The following CTNNA2 variants were observed in gnomAD, a reference collection of about 807,000 sequenced individuals.
CTNNA2 encodes the protein catenin alpha 2.
In CTNNA2, 42 loss-of-function variants were observed where a neutral mutation model predicts 101.0. The observed-to-expected ratio is 0.42, with a 90% CI of 0.32 to 0.54. The LOEUF (loss-of-function observed/expected upper bound fraction) is 0.54. CTNNA2 is among the 20% of genes least tolerant of loss of function. The pLI, the probability that CTNNA2 is intolerant of heterozygous loss-of-function variation, is 0.14. For synonymous variants in CTNNA2, 450 were observed against 456.4 expected (o/e 0.99, Z 0.18); for missense variants, 871 against 1,223.1 (o/e 0.71, Z 4.29).
intron 3 of CTNNA2, among the ~76,000 whole-genome samples, chr2:79,321,997 C>T (rs558831566): frequency 6.6e-6 from 1 of 152,276 alleles, no homozygotes; most frequent in African/African-American, 2.4e-5. Context: ...AAGTCCATGC[C>T]TTTAGTCTTT....
intron 2 of CTNNA2, among the ~76,000 whole-genome samples, chr2:79,724,208 T>C (rs1040996198): frequency 6.6e-6 from 1 of 151,464 alleles, no homozygotes; most frequent in East Asian, 1.9e-4. Context: ...TCCATTTTCT[T>C]CTTTTGGCTC....
At chr2:79,503,089 C>T (rs1321558562) in intron 4 of CTNNA2, among the ~76,000 whole-genome samples, 1 of 152,196 alleles carries the variant, frequency 6.6e-6, no homozygotes, top group Non-Finnish European at 1.5e-5. Context: ...CAGGCAACCA[C>T]CTGGTATCAG....
At chr2:79,336,850 G>A (rs143727857) in intron 3 of CTNNA2, among the ~76,000 whole-genome samples, 2 of 152,302 alleles carry the variant, frequency 1.3e-5, no homozygotes, top group East Asian at 1.9e-4. Flanking sequence ...TGGTGGCATG[G>A]TGGTGTTGTC....
At chr2:79,875,888 A>G (rs781499874) in intron 6 of CTNNA2, among the ~76,000 whole-genome samples, 14 of 152,214 alleles carry the variant, frequency 9.2e-5, no homozygotes, top group Non-Finnish European at 1.8e-4. Context: ...TTTATATAAC[A>G]TAAATATACA....
rs188574759 is a variant in CTNNA2, at chr2:80,463,896, G to T, written c.1290+44295G>T. 1.1e-3 allele frequency among the ~76,000 whole-genome samples: 163 copies of T among 152,270 alleles called. 1 individual carries two copies. Among genetic ancestry groups the T allele is most frequent in the African/African-American group, 3.7e-3 (155 of 41,560 alleles). ...TACCCACTGTCTCAAAGTGCTAATG[G>T]TCGTGGAGTCATACTTTTAGGGACT... is the stretch of plus-strand genomic sequence containing the variant. On this transcript the variant is annotated intron_variant, in intron 9 of 18. Transcript: ENST00000402739.
At chr2:80,326,329 T>C (rs565208334) in intron 7 of CTNNA2, among the ~76,000 whole-genome samples, 28 of 152,360 alleles carry the variant, frequency 1.8e-4, no homozygotes, top group Non-Finnish European at 4.1e-4. Context: ...CATGGAGATT[T>C]ATTATTTTTA....
At chr2:80,027,559 C>T (rs973274917) in intron 7 of CTNNA2, among the ~76,000 whole-genome samples, 2 of 152,160 alleles carry the variant, frequency 1.3e-5, no homozygotes, top group Non-Finnish European at 2.9e-5. Flanking sequence ...ATTTTACCAG[C>T]TCCGGCAAGA....
intron 7 of CTNNA2, among the ~76,000 whole-genome samples, chr2:80,164,984 A>G (rs1704577510): frequency 1.6e-5 from 2 of 127,860 alleles, no homozygotes; most frequent in East Asian, 2.2e-4. Flanking sequence ...TTTTTTCTTA[A>G]TTTTCGGAAG....
At chr2:80,308,766 G>A (rs924946883) in intron 7 of CTNNA2, among the ~76,000 whole-genome samples, 11 of 152,208 alleles carry the variant, frequency 7.2e-5, no homozygotes, top group African/African-American at 2.6e-4. Context: ...AATAATAAAT[G>A]AATTAATAAT....
chr2:80,015,964 C>T (rs1340153941), intron 7 of CTNNA2, among the ~76,000 whole-genome samples: 1 of 152,128 alleles, frequency 6.6e-6, no homozygotes, highest in African/African-American at 2.4e-5. Context: ...CAAAGGACAG[C>T]CGTGACTTTA....
chr2:79,642,841 A>G (rs1282680802), intron 1 of CTNNA2, among the ~76,000 whole-genome samples: 2 of 150,438 alleles, frequency 1.3e-5, no homozygotes, highest in African/African-American at 4.9e-5. Flanking sequence ...TACTCTCTTC[A>G]GCGCCAGAAA....
At chr2:80,055,048 A>G (rs2104350217) in intron 7 of CTNNA2, among the ~76,000 whole-genome samples, 1 of 152,188 alleles carries the variant, frequency 6.6e-6, no homozygotes, top group South Asian at 2.1e-4. Context: ...ATTTTTCGAG[A>G]CAAGGTCTCA....
At chr2:79,369,468 A>G (rs1677821431) in intron 3 of CTNNA2, among the ~76,000 whole-genome samples, 1 of 152,120 alleles carries the variant, frequency 6.6e-6, no homozygotes, top group African/African-American at 2.4e-5. Flanking sequence ...ATGAAGGCAC[A>G]TGCACACGAC....
chr2:79,661,032 ATGT>A (rs1281911665), intron 2 of CTNNA2, among the ~76,000 whole-genome samples: 18 of 152,194 alleles, frequency 1.2e-4, no homozygotes, highest in African/African-American at 4.3e-4. Context: ...TATGATGTAA[ATGT>A]TGGTGGTGAC....
rs575635401 is a variant in CTNNA2 at position 79,925,659 on chromosome 2, A to AG, written c.1056+15864dup. 1.6e-4 allele frequency among the ~76,000 whole-genome samples: 25 copies of AG among 152,212 alleles called. 1 individual carries two copies. In the East Asian group the frequency reaches 4.8e-3, roughly 29 times the overall value. On this transcript the variant is annotated intron_variant, in intron 7 of 18. Transcript: ENST00000402739. ...TTGATGCTGCATTTCATGGAGCCTT[A>AG]GGTGCTTCCGGGTCCCCATTAGTAA... is the stretch of plus-strand genomic sequence containing the variant.
At chr2:80,279,833 C>G (rs759422453) in intron 7 of CTNNA2, among the ~76,000 whole-genome samples, 1 of 152,012 alleles carries the variant, frequency 6.6e-6, no homozygotes, top group Non-Finnish European at 1.5e-5. Flanking sequence ...AGGTGATTGT[C>G]TCACCCTGAG....
chr2:80,283,480 A>G lies in CTNNA2; in HGVS notation c.1057-109731A>G, dbSNP rs979287909. On this transcript the variant is annotated intron_variant, in intron 7 of 18. Transcript: ENST00000402739. ...AAATAATCAAAGGACAAATAACAAG[A>G]TAGTATTGGTGTGTGAGACCTACAT... Among the ~76,000 whole-genome samples, 13 of 152,248 alleles carry G rather than the reference A, an allele frequency of 8.5e-5. No homozygotes were observed. The East Asian group carries it at 2.1e-3, about 25-fold the overall frequency.
chr2:79,815,032 T>C (rs2861903), intron 3 of CTNNA2, among the ~76,000 whole-genome samples: 16,490 of 152,208 alleles, frequency 0.11, 1,294 homozygotes, highest in East Asian at 0.35. Flanking sequence ...ATTGGTGATG[T>C]TGAGCATTTT....
intron 3 of CTNNA2, among the ~76,000 whole-genome samples, chr2:79,833,163 G>A (rs1679057415): frequency 6.6e-6 from 1 of 152,162 alleles, no homozygotes; most frequent in South Asian, 2.1e-4. Context: ...ATTCGTTGGG[G>A]TTTCTAAACC....
Sources: gnomAD v4.1 joint callset for allele counts (sites outside exome capture counted in the v4.1 genomes callset) on GRCh38, gnomAD v4.1.1 for gene constraint, MANE v1.5 for transcripts, NCBI Gene and HGNC (gene_info 2026-07-23, HGNC 2026-07-21) for gene names.